The following SLC35A3 variants were observed in gnomAD, a reference collection of about 807,000 sequenced individuals.
SLC35A3 encodes solute carrier family 35 member A3, also known as UDP-N-acetylglucosamine transporter.
Under a neutral mutation model 39.0 loss-of-function variants are expected in SLC35A3, and 26 were observed. The ratio of observed to expected loss-of-function variants is 0.67; its 90% CI spans 0.49 to 0.92. The LOEUF is 0.92. SLC35A3 is among the 40% of genes least tolerant of loss of function. The pLI is 0.00. For synonymous variants in SLC35A3, 135 were observed against 133.1 expected, an observed-to-expected ratio of 1.01 and a Z score of -0.10; for missense variants, 299 against 371.6, an observed-to-expected ratio of 0.80 and a Z score of 1.61.
intron 7 of SLC35A3, among the ~76,000 whole-genome samples, chr1:100,021,812 A>G (rs1196194782): frequency 6.6e-6 from 1 of 152,192 alleles, no homozygotes; most frequent in African/African-American, 2.4e-5. Context: ...ATTTAATGTA[A>G]TTTCCCTTTG....
At chr1:100,007,306 G>A in intron 4 of SLC35A3, 150 bp downstream of exon 4, 1 of 633,088 alleles carries the variant, frequency 1.6e-6, no homozygotes, top group Non-Finnish European at 2.7e-6. Context: ...CATCCTTTAT[G>A]TGACATACTA....
In SLC35A3 at chr1:100,032,124, G is replaced by C. The variant is rs1419149806; in HGVS notation, c.*9648G>C. On this transcript the variant is annotated 3_prime_UTR_variant, in exon 8 of 8. Coordinates refer to ENST00000533028, the MANE Select transcript of SLC35A3 (RefSeq NM_012243.3). ...TCATTATTAATGTTGGTAATTATTT[G>C]GTTAAGATGATGACTACCCCATTGT... 6.7e-6 allele frequency: 1 copy of C among 148,432 alleles called. No homozygotes were observed. The highest frequency in any genetic ancestry group is 1.5e-5 in the Non-Finnish European group (1 of 67,274). The allele number at this position is 148,432 out of a possible 1,614,324, so 9.2% of individuals were successfully genotyped here.
intron 7 of SLC35A3, among the ~76,000 whole-genome samples, chr1:100,019,598 A>G (rs181398225): frequency 1.3e-5 from 2 of 152,064 alleles, no homozygotes; most frequent in African/African-American, 2.4e-5. Flanking sequence ...GTAATAATAT[A>G]TTTGCCTTTA....
intron 5 of SLC35A3, among the ~76,000 whole-genome samples, chr1:100,013,979 A>G (rs189309812): frequency 2.0e-5 from 3 of 152,304 alleles, no homozygotes; most frequent in Admixed American, 1.3e-4. Context: ...TGTAAGCATG[A>G]ATTTCTTTAT....
chr1:99,981,750 G>C (rs1657461553), intron 1 of SLC35A3, among the ~76,000 whole-genome samples: 1 of 151,970 alleles, frequency 6.6e-6, no homozygotes, highest in Non-Finnish European at 1.5e-5. Flanking sequence ...CAAAGTGCTG[G>C]GATTACAGAC....
intron 4 of SLC35A3, 148 bp from the exon 5 acceptor site, chr1:100,011,217 G>C: frequency 2.5e-6 from 1 of 402,008 alleles, no homozygotes; most frequent in Non-Finnish European, 4.5e-6. Flanking sequence ...TCAAATGATT[G>C]TAAGGTTTTA....
At chr1:100,019,203 A>C (rs1278630091) in intron 7 of SLC35A3, among the ~76,000 whole-genome samples, 1 of 152,060 alleles carries the variant, frequency 6.6e-6, no homozygotes, top group Admixed American at 6.6e-5. Flanking sequence ...GAGGTAATTA[A>C]ATCTTTGAAT....
intron 1 of SLC35A3, among the ~76,000 whole-genome samples, chr1:99,983,597 G>A (rs1228970245): frequency 6.6e-6 from 1 of 151,428 alleles, no homozygotes; most frequent in Admixed American, 6.6e-5. Context: ...ATAAGTTTGA[G>A]TATATGATAA....
Position 100,034,251 on chromosome 1 carries a change from C to A in SLC35A3, c.*11775C>A, listed in dbSNP as rs1247996994. On this transcript the variant is annotated 3_prime_UTR_variant, in exon 8 of 8. Transcript: ENST00000533028. Reference sequence around the variant, plus strand: ...TTGTTCTCATAGCTGTTTTATTCCTCTTCTCTGTATTTCTTACTTTACTTT... The same window carrying A: ...TTGTTCTCATAGCTGTTTTATTCCTATTCTCTGTATTTCTTACTTTACTTT... The A allele has an allele frequency of 6.6e-6, 1 of 151,946 alleles. No individual in the cohort carries two copies. The highest frequency in any genetic ancestry group is 1.5e-5 in the Non-Finnish European group (1 of 67,992). The allele number at this position is 151,946 out of a possible 1,614,324, so 9.4% of individuals were successfully genotyped here.
chr1:100,026,851 G>A lies in SLC35A3; in HGVS notation c.*4375G>A, dbSNP rs1031353269. ...TTTTATGGACATAATTCAAAGGAATGTATAAATTGGTCTTTTGTTAAATGG... is the reference window on the plus strand; with the variant it reads ...TTTTATGGACATAATTCAAAGGAATATATAAATTGGTCTTTTGTTAAATGG... On this transcript the variant is annotated 3_prime_UTR_variant, in exon 8 of 8. Coordinates refer to ENST00000533028, the MANE Select transcript of SLC35A3 (RefSeq NM_012243.3). 7 of 226,176 alleles carry A rather than the reference G, an allele frequency of 3.1e-5. No individual in the cohort carries two copies. The highest frequency in any genetic ancestry group is 1.6e-4 in the African/African-American group (7 of 44,240). 14.0% of individuals were successfully genotyped at this position (226,176 alleles called of 1,614,324 possible).
chr1:99,977,503 T>C (rs1657182540), intron 1 of SLC35A3, among the ~76,000 whole-genome samples: 1 of 148,812 alleles, frequency 6.7e-6, no homozygotes, highest in Non-Finnish European at 1.5e-5. Flanking sequence ...GATCACGCCA[T>C]TGCACTCCAG....
chr1:99,993,393 C>G, intron 1 of SLC35A3, 144 bp from the exon 2 acceptor site: 1 of 602,066 alleles, frequency 1.7e-6, no homozygotes. Flanking sequence ...CTCTTGGTTT[C>G]TGTTTTTTTT....
At chr1:99,987,221 A>C (rs879076103) in intron 1 of SLC35A3, among the ~76,000 whole-genome samples, 18 of 152,370 alleles carry the variant, frequency 1.2e-4, no homozygotes, top group Middle Eastern at 6.8e-3. Context: ...TCGTCATTTT[A>C]AAGTGAAGAA....
chr1:99,978,113 A>G (rs980617244), intron 1 of SLC35A3, among the ~76,000 whole-genome samples: 4 of 152,190 alleles, frequency 2.6e-5, no homozygotes, highest in African/African-American at 9.7e-5. Flanking sequence ...ATATCTGATT[A>G]TATGTTATTA....
intron 1 of SLC35A3, among the ~76,000 whole-genome samples, chr1:99,971,371 A>G (rs1338315586): frequency 6.6e-6 from 1 of 151,470 alleles, no homozygotes; most frequent in Non-Finnish European, 1.5e-5. Context: ...CAGTGGCGCA[A>G]TCTCAGCTCA....
chr1:100,023,726 A>C lies in SLC35A3; in HGVS notation c.*1250A>C, dbSNP rs915644108. 4 of 152,484 alleles carry C rather than the reference A, an allele frequency of 2.6e-5. No individual in the cohort carries two copies. Among genetic ancestry groups the C allele is most frequent in the African/African-American group, 9.6e-5 (4 of 41,458 alleles). 9.4% of individuals were successfully genotyped at this position (152,484 alleles called of 1,614,324 possible). A position where few individuals can be genotyped will look rare whatever the true frequency, so the allele number is the denominator to read the frequency against. On this transcript the variant is annotated 3_prime_UTR_variant, in exon 8 of 8. Transcript: ENST00000533028. ...TGTGTTCCCACAAGAGCTGCTGAGA[A>C]GGCCTGGCGCAGTGGCTCACGCCTG...
chr1:100,022,326 G>T (rs1660605821), intron 7 of SLC35A3, 60 bp from the exon 8 acceptor site: 1 of 863,456 alleles, frequency 1.2e-6, no homozygotes. Flanking sequence ...AGAAATAGAA[G>T]GAACTTGTTC....
chr1:100,007,001 G>T (rs183838843), intron 3 of SLC35A3, 33 bp from the exon 4 acceptor site: 9 of 1,562,908 alleles, frequency 5.8e-6, no homozygotes, highest in South Asian at 2.4e-5. Flanking sequence ...ACAAACAAAC[G>T]AACATTAATA....
At chr1:100,003,416 CAAAAAAAAAA>C (rs34020224) in intron 3 of SLC35A3, among the ~76,000 whole-genome samples, 1 of 57,178 alleles carries the variant, frequency 1.7e-5, no homozygotes, top group Non-Finnish European at 3.4e-5. Flanking sequence ...AACTCCATCT[CAAAAAAAAAA>C]AAAAAAAAAA....
Sources: gnomAD v4.1 joint callset for allele counts (sites outside exome capture counted in the v4.1 genomes callset) on GRCh38, gnomAD v4.1.1 for gene constraint, MANE v1.5 for transcripts, NCBI Gene and HGNC (gene_info 2026-07-23, HGNC 2026-07-21) for gene names.